The following CHN2 variants were observed in gnomAD, a reference collection of about 807,000 sequenced individuals.
The protein encoded by CHN2 is beta-chimaerin.
Under a neutral mutation model 56.3 loss-of-function variants are expected in CHN2, and 35 were observed. That is an observed-to-expected ratio of 0.62 (90% CI 0.47 to 0.82). The LOEUF (loss-of-function observed/expected upper bound fraction) is 0.82, where lower values mean the gene tolerates loss of function less well. Among genes scored for constraint, CHN2 ranks in the 40% least tolerant of loss-of-function variants. CHN2 has a pLI of 0.00. For synonymous variants in CHN2, 210 were observed against 212.8 expected (o/e 0.99, Z 0.12); for missense variants, 491 against 580.5 (o/e 0.85, Z 1.58).
At position 29,481,850 on chromosome 7, in the gene CHN2, C is replaced by A. The variant is rs1787287287; in HGVS notation, c.654+1494C>A. 2.0e-5 allele frequency among the ~76,000 whole-genome samples: 3 copies of A among 151,964 alleles called. No individual in the cohort carries two copies. The South Asian group carries it at 6.2e-4, about 31-fold the overall frequency. On this transcript the variant is annotated intron_variant, in intron 7 of 12. Coordinates refer to ENST00000222792, the MANE Select transcript of CHN2 (RefSeq NM_004067.4). ...TTTCTTCCTCTTGAAAATTCCAATTCATTTGGCGTTAAGAAATTGGAATTA... is the reference window on the plus strand; with the variant it reads ...TTTCTTCCTCTTGAAAATTCCAATTAATTTGGCGTTAAGAAATTGGAATTA...
chr7:29,405,707 C>T (rs1314884640), intron 6 of CHN2, among the ~76,000 whole-genome samples: 1 of 152,292 alleles, frequency 6.6e-6, no homozygotes, highest in South Asian at 2.1e-4. Flanking sequence ...TACAGATGAA[C>T]TGTTTCATCA....
At chr7:29,346,145 C>T (rs1215858437) in intron 1 of CHN2, among the ~76,000 whole-genome samples, 1 of 152,154 alleles carries the variant, frequency 6.6e-6, no homozygotes, top group Non-Finnish European at 1.5e-5. Context: ...GTCAGGATGA[C>T]CTCCAGGTAG....
chr7:29,197,501 CA>C (rs1477457102), intron 1 of CHN2, among the ~76,000 whole-genome samples: 17 of 152,158 alleles, frequency 1.1e-4, no homozygotes, highest in African/African-American at 4.1e-4. Flanking sequence ...GTATTTAGCA[CA>C]GGGCCTAGCA....
At chr7:29,268,948 A>G (rs1487992712) in intron 1 of CHN2, among the ~76,000 whole-genome samples, 1 of 152,232 alleles carries the variant, frequency 6.6e-6, no homozygotes, top group Non-Finnish European at 1.5e-5. Flanking sequence ...TAATAGTTGC[A>G]TATATTTTGT....
chr7:29,378,517 C>T lies in CHN2; in HGVS notation c.144+10530C>T, dbSNP rs116168932. Among the ~76,000 whole-genome samples, 757 of 152,312 alleles carry T rather than the reference C, an allele frequency of 5.0e-3. 4 individuals carry two copies. The highest frequency in any genetic ancestry group is 0.017 in the African/African-American group (698 of 41,572). ...TTATTAGAACGCAGCAGTACTCATT[C>T]TGTTATATATTATCTGTGGCTGCTT... On this transcript the variant is annotated intron_variant, in intron 3 of 12. Transcript: ENST00000222792.
intron 6 of CHN2, among the ~76,000 whole-genome samples, chr7:29,428,433 A>G (rs1372644434): frequency 1.3e-5 from 2 of 152,174 alleles, no homozygotes; most frequent in African/African-American, 4.8e-5. Flanking sequence ...CTAACATCCT[A>G]TGGCTCTCTC....
At chr7:29,479,205 G>T (rs898377080) in intron 6 of CHN2, among the ~76,000 whole-genome samples, 3 of 152,194 alleles carry the variant, frequency 2.0e-5, no homozygotes, top group African/African-American at 7.2e-5. Flanking sequence ...TCAAACAGAT[G>T]ATGCTTTTAA....
chr7:29,500,972 T>C lies in CHN2; in HGVS notation c.913+932T>C, dbSNP rs893584798. 2.6e-5 allele frequency among the ~76,000 whole-genome samples: 4 copies of C among 152,226 alleles called. No homozygotes were observed. The East Asian group carries it at 7.7e-4, about 29-fold the overall frequency. On this transcript the variant is annotated intron_variant, in intron 9 of 12. Coordinates refer to ENST00000222792, the MANE Select transcript of CHN2 (RefSeq NM_004067.4). ...GTTCACTGAAGTTGCCGGATATAAT[T>C]TGGGTGATTTGGCCATGTATAGAGC...
chr7:29,276,177 C>G (rs1284304387), intron 1 of CHN2, among the ~76,000 whole-genome samples: 3 of 130,722 alleles, frequency 2.3e-5, no homozygotes, highest in Non-Finnish European at 5.0e-5. Context: ...AAGAGCTTTC[C>G]AAGCAGCACC....
intron 6 of CHN2, among the ~76,000 whole-genome samples, chr7:29,424,231 A>T (rs79515410): frequency 0.031 from 4,661 of 152,252 alleles, 131 homozygotes; most frequent in African/African-American, 0.066. Flanking sequence ...AGTTCCATGC[A>T]ACCTCCCACA....
chr7:29,412,649 C>T (rs563253789), intron 6 of CHN2, among the ~76,000 whole-genome samples: 1 of 152,244 alleles, frequency 6.6e-6, no homozygotes, highest in Middle Eastern at 3.4e-3. Flanking sequence ...CTTAATGAAC[C>T]TGGTAAACCA....
intron 1 of CHN2, among the ~76,000 whole-genome samples, chr7:29,270,994 T>C (rs1790588632): frequency 6.6e-6 from 1 of 152,194 alleles, no homozygotes; most frequent in Non-Finnish European, 1.5e-5. Flanking sequence ...GTGCCAGAGA[T>C]GTGGAACTAC....
chr7:29,294,211 G>C (rs532250614), intron 1 of CHN2, among the ~76,000 whole-genome samples: 1 of 152,044 alleles, frequency 6.6e-6, no homozygotes, highest in Non-Finnish European at 1.5e-5. Context: ...TGTATCTCCG[G>C]CACCTGGAAC....
intron 1 of CHN2, among the ~76,000 whole-genome samples, chr7:29,225,526 T>C (rs576572173): frequency 6.6e-6 from 1 of 152,374 alleles, no homozygotes; most frequent in African/African-American, 2.4e-5. Flanking sequence ...GATGTGTATA[T>C]GCATGTTTAG....
intron 6 of CHN2, among the ~76,000 whole-genome samples, chr7:29,426,619 T>A (rs894500391): frequency 6.6e-6 from 1 of 152,190 alleles, no homozygotes; most frequent in African/African-American, 2.4e-5. Flanking sequence ...TGTAACAAAT[T>A]ACCATAAACT....
chr7:29,377,205 G>A (rs981039672), intron 3 of CHN2, among the ~76,000 whole-genome samples: 2 of 151,996 alleles, frequency 1.3e-5, no homozygotes, highest in African/African-American at 4.8e-5. Flanking sequence ...TGTATTTTTA[G>A]TAGAGACGGG....
intron 8 of CHN2, among the ~76,000 whole-genome samples, 167 bp from the exon 9 acceptor site, chr7:29,499,700 G>C (rs527874592): frequency 1.8e-4 from 27 of 152,326 alleles, no homozygotes; most frequent in Admixed American, 7.8e-4. Context: ...AGTGATTAGA[G>C]ATGATACTTG....
intron 1 of CHN2, among the ~76,000 whole-genome samples, chr7:29,350,985 G>A (rs1163803988): frequency 1.3e-5 from 2 of 151,902 alleles, no homozygotes; most frequent in African/African-American, 4.8e-5. Flanking sequence ...ATGGGCACTT[G>A]CAATCCCAGC....
At chr7:29,259,673 T>C (rs1789387098) in intron 1 of CHN2, among the ~76,000 whole-genome samples, 1 of 152,166 alleles carries the variant, frequency 6.6e-6, no homozygotes, top group Non-Finnish European at 1.5e-5. Flanking sequence ...TAATACTGTA[T>C]TGTATACTTG....
Sources: allele counts gnomAD v4.1 joint callset (sites outside exome capture counted in the v4.1 genomes callset), GRCh38; gene constraint gnomAD v4.1.1; transcripts MANE v1.5; gene names NCBI Gene and HGNC (gene_info 2026-07-23, HGNC 2026-07-21).